Variants in MED19 observed in about 807,000 individuals in gnomAD.
MED19 encodes the protein mediator of RNA polymerase II transcription subunit 19.
Under a neutral mutation model 19.9 loss-of-function variants are expected in MED19, and 4 were observed. The observed-to-expected ratio is 0.20, with a 90% CI of 0.10 to 0.46. The LOEUF is 0.46. Among genes scored for constraint, MED19 ranks in the 20% least tolerant of loss-of-function variants. The pLI is 0.99. For missense variants in MED19, 303 were observed against 318.7 expected, an observed-to-expected ratio of 0.95 and a Z score of 0.38; for synonymous variants, 139 against 119.6, an observed-to-expected ratio of 1.16 and a Z score of -1.06.
intron 1 of MED19, among the ~76,000 whole-genome samples, chr11:57,707,197 CAAAA>C (rs754457524): frequency 1.7e-5 from 1 of 57,884 alleles, no homozygotes; most frequent in Non-Finnish European, 3.7e-5. Flanking sequence ...GATTCCATCT[CAAAA>C]AAAAAAAAAA....
Position 57,705,297 on chromosome 11 carries a change from A to G in MED19, c.218-68T>C, listed in dbSNP as rs866703749. 1.5e-5 allele frequency: 23 copies of G among 1,497,344 alleles called. No individual in the cohort carries two copies. In the South Asian group the frequency reaches 2.3e-4, roughly 15 times the overall value. The allele number at this position is 1,497,344 out of a possible 1,614,324, so 92.8% of individuals were successfully genotyped here. A position where few individuals can be genotyped will look rare whatever the true frequency, so the allele number is the denominator to read the frequency against. On this transcript the variant is annotated intron_variant, in intron 1 of 4. Transcript: ENST00000431606. ...GTAGACCCAGGGAGTGAAGGACTAT[A>G]TATTAACCTAAATAAGACATTTTTT...
exon 5 of MED19, chr11:57,704,065 C>G (rs1182152144): frequency 6.5e-7 from 1 of 1,536,172 alleles, no homozygotes; most frequent in African/African-American, 1.4e-5. Flanking sequence ...TGCTGCTGGC[C>G]TGGGAGCTGC....
At chr11:57,705,376 A>G (rs1334979396) in intron 1 of MED19, 147 bp from the exon 2 acceptor site, 3 of 960,756 alleles carry the variant, frequency 3.1e-6, no homozygotes, top group Non-Finnish European at 4.4e-6. Context: ...AGCAGGCCGG[A>G]TGCAGTGGCT....
At chr11:57,709,493 A>G (rs1207077561) in intron 1 of MED19, among the ~76,000 whole-genome samples, 1 of 151,992 alleles carries the variant, frequency 6.6e-6, no homozygotes, top group Non-Finnish European at 1.5e-5. Context: ...GTACCCATAC[A>G]CCCAATTATT....
chr11:57,710,503 A>C (rs541276351), intron 1 of MED19, among the ~76,000 whole-genome samples: 1 of 152,146 alleles, frequency 6.6e-6, no homozygotes. Flanking sequence ...CTGGAGTCCA[A>C]CTGATTTTCT....
chr11:57,703,727 A>ATTTT, exon 5 of MED19: 1 of 253,794 alleles, frequency 3.9e-6, no homozygotes, highest in Non-Finnish European at 7.4e-6. Flanking sequence ...GATAAATGTA[A>ATTTT]TTTTTTTTTT....
At chr11:57,704,258 T>G in intron 4 of MED19, 44 bp downstream of exon 4, 2 of 1,530,002 alleles carry the variant, frequency 1.3e-6, no homozygotes, top group Non-Finnish European at 1.7e-6. Context: ...AGGGGTGAGA[T>G]CTGGGGAAAC....
chr11:57,705,695 A>G (rs1381553598), intron 1 of MED19, among the ~76,000 whole-genome samples: 3 of 151,924 alleles, frequency 2.0e-5, no homozygotes, highest in Non-Finnish European at 4.4e-5. Context: ...CATGAAAAGT[A>G]TAATACAACA....
chr11:57,711,067 C>T (rs1946580345), intron 1 of MED19, among the ~76,000 whole-genome samples: 1 of 152,196 alleles, frequency 6.6e-6, no homozygotes, highest in Admixed American at 6.5e-5. Flanking sequence ...ATGCCTCCTC[C>T]ACTGAAATGT....
exon 1 of MED19, chr11:57,712,117 G>C: frequency 6.5e-7 from 1 of 1,528,728 alleles, no homozygotes; most frequent in Non-Finnish European, 8.8e-7. Context: ...GTCCGAAGCC[G>C]AGTGCGGTTG....
chr11:57,704,912 G>A, intron 2 of MED19, 61 bp downstream of exon 2: 1 of 1,604,218 alleles, frequency 6.2e-7, no homozygotes, highest in Non-Finnish European at 8.5e-7. Flanking sequence ...CAGACTTGGA[G>A]AGAAAAACCA....
chr11:57,708,693 A>G (rs957188322), intron 1 of MED19, among the ~76,000 whole-genome samples: 1 of 151,764 alleles, frequency 6.6e-6, no homozygotes, highest in Non-Finnish European at 1.5e-5. Context: ...TCCTAACTAA[A>G]CTCCTTGAAA....
rs369238482 is a variant in MED19 at position 57,711,945 on chromosome 11, G to T, written c.217+18C>A. On this transcript the variant is annotated intron_variant, in intron 1 of 4. Transcript: ENST00000431606. The stretch of plus-strand genomic sequence containing the variant: ...TCTAAGATTTGATTGGCTGGCTTTG[G>T]CAAGGCCGAGTACTCACCTGGCAGT... The T allele has an allele frequency of 4.8e-3, 6,700 of 1,407,910 alleles. 22 individuals are homozygous for T. The highest frequency in any genetic ancestry group is 5.8e-3 in the Non-Finnish European group (6,270 of 1,073,872). 87.2% of individuals were successfully genotyped at this position (1,407,910 alleles called of 1,614,324 possible).
At position 57,711,950 on chromosome 11, in the gene MED19, G is replaced by T; in HGVS notation, c.217+13C>A. The T allele has an allele frequency of 7.0e-7, 1 of 1,431,446 alleles. No homozygotes were observed. Among genetic ancestry groups the T allele is most frequent in the Non-Finnish European group, 9.2e-7 (1 of 1,085,688 alleles). 88.7% of individuals were successfully genotyped at this position (1,431,446 alleles called of 1,614,324 possible). ...GATTTGATTGGCTGGCTTTGGCAAG[G>T]CCGAGTACTCACCTGGCAGTTCCCT... is the stretch of plus-strand genomic sequence containing the variant. On this transcript the variant is annotated intron_variant, in intron 1 of 4. Coordinates refer to ENST00000431606, the Ensembl canonical transcript of MED19.
intron 1 of MED19, among the ~76,000 whole-genome samples, chr11:57,710,752 G>GT (rs1428952539): frequency 6.6e-6 from 1 of 152,042 alleles, no homozygotes; most frequent in Admixed American, 6.6e-5. Context: ...CTGGAGTGCA[G>GT]TGGCACAATC....
chr11:57,711,422 G>A (rs1166618190), intron 1 of MED19, among the ~76,000 whole-genome samples: 1 of 152,144 alleles, frequency 6.6e-6, no homozygotes, highest in Non-Finnish European at 1.5e-5. Context: ...GAGCAATGTC[G>A]GCTCTCTGCA....
At chr11:57,706,455 G>A (rs1404897056) in intron 1 of MED19, among the ~76,000 whole-genome samples, 1 of 152,050 alleles carries the variant, frequency 6.6e-6, no homozygotes, top group African/African-American at 2.4e-5. Context: ...ACGCATCCAG[G>A]AAGAAATGTT....
At chr11:57,709,313 G>A (rs1353680435) in intron 1 of MED19, among the ~76,000 whole-genome samples, 7 of 151,634 alleles carry the variant, frequency 4.6e-5, no homozygotes, top group Non-Finnish European at 7.4e-5. Flanking sequence ...CCTGGGAGGC[G>A]GAGGTTGTGG....
intron 1 of MED19, among the ~76,000 whole-genome samples, chr11:57,708,163 T>C (rs532295078): frequency 6.6e-6 from 1 of 152,192 alleles, no homozygotes; most frequent in East Asian, 1.9e-4. Context: ...TGTTTTGAAA[T>C]TCCAAATCTT....
Sources: allele counts gnomAD v4.1 joint callset (sites outside exome capture counted in the v4.1 genomes callset), GRCh38; gene constraint gnomAD v4.1.1; transcripts MANE v1.5; gene names NCBI Gene and HGNC (gene_info 2026-07-23, HGNC 2026-07-21).